The following NOVA1 variants were observed in gnomAD, a reference collection of about 807,000 sequenced individuals.
NOVA1 encodes the protein NOVA alternative splicing regulator 1, also known as RNA-binding protein Nova-1.
NOVA1 carries 7 observed loss-of-function variants against 38.0 expected under a neutral mutation model. That is an observed-to-expected ratio of 0.18 (90% CI 0.10 to 0.35). The LOEUF is 0.35. NOVA1 is among the 10% of genes least tolerant of loss of function. NOVA1 has a pLI of 1.00. For missense variants in NOVA1, 460 were observed against 616.0 expected (o/e 0.75, Z 2.68); for synonymous variants, 270 against 232.5 (o/e 1.16, Z -1.47).
chr14:26,578,317 T>G (rs1020724895), intron 2 of NOVA1, among the ~76,000 whole-genome samples: 4 of 150,960 alleles, frequency 2.6e-5, no homozygotes, highest in Non-Finnish European at 4.4e-5. Context: ...GTTAATGCCA[T>G]AATTACCAGA....
At chr14:26,489,915 TATTA>T (rs1345686954) in intron 2 of NOVA1, among the ~76,000 whole-genome samples, 1 of 152,172 alleles carries the variant, frequency 6.6e-6, no homozygotes, top group Admixed American at 6.6e-5. Flanking sequence ...AATTCAGTGG[TATTA>T]ATTAAATTCA....
intron 2 of NOVA1, among the ~76,000 whole-genome samples, chr14:26,517,327 C>G (rs1346478536): frequency 6.6e-6 from 1 of 152,146 alleles, no homozygotes; most frequent in East Asian, 1.9e-4. Context: ...TATTTCCTCA[C>G]AAAATACCGC....
chr14:26,466,907 C>T (rs999129300), intron 4 of NOVA1, among the ~76,000 whole-genome samples: 1 of 152,216 alleles, frequency 6.6e-6, no homozygotes, highest in Non-Finnish European at 1.5e-5. Context: ...GTGCCTTGAT[C>T]TTGGACTTCC....
chr14:26,585,072 G>A (rs1000892344), intron 2 of NOVA1, among the ~76,000 whole-genome samples: 1 of 151,360 alleles, frequency 6.6e-6, no homozygotes, highest in Non-Finnish European at 1.5e-5. Flanking sequence ...AAATGTGGAA[G>A]ACTAATCACA....
At chr14:26,571,384 C>T (rs1260884692) in intron 2 of NOVA1, among the ~76,000 whole-genome samples, 1 of 152,074 alleles carries the variant, frequency 6.6e-6, no homozygotes, top group Non-Finnish European at 1.5e-5. Context: ...TTCACTCTGG[C>T]TTAAATTAAT....
intron 2 of NOVA1, among the ~76,000 whole-genome samples, chr14:26,560,939 T>C (rs1319417675): frequency 6.6e-6 from 1 of 152,158 alleles, no homozygotes; most frequent in East Asian, 1.9e-4. Flanking sequence ...TCCTGAAGAA[T>C]ATAATTTCCA....
chr14:26,473,592 C>T (rs1310300946), intron 3 of NOVA1, among the ~76,000 whole-genome samples: 2 of 151,486 alleles, frequency 1.3e-5, no homozygotes, highest in South Asian at 2.1e-4. Flanking sequence ...TTGTAATTTG[C>T]GTACAATAAA....
At chr14:26,570,633 C>T (rs1892417510) in intron 2 of NOVA1, among the ~76,000 whole-genome samples, 1 of 151,808 alleles carries the variant, frequency 6.6e-6, no homozygotes, top group South Asian at 2.1e-4. Flanking sequence ...TGTATATATG[C>T]ATATATTTAA....
At chr14:26,450,911 C>T (rs1349547716) in intron 4 of NOVA1, among the ~76,000 whole-genome samples, 1 of 152,026 alleles carries the variant, frequency 6.6e-6, no homozygotes, top group African/African-American at 2.4e-5. Context: ...GAAAACATCA[C>T]GGACTGGCAA....
intron 2 of NOVA1, among the ~76,000 whole-genome samples, chr14:26,520,918 G>A (rs1434154936): frequency 5.3e-5 from 8 of 151,798 alleles, no homozygotes; most frequent in Admixed American, 3.3e-4. Flanking sequence ...ACTGTATAAC[G>A]CCATAATGTA....
chr14:26,526,104 T>C (rs1056308172), intron 2 of NOVA1, among the ~76,000 whole-genome samples: 2 of 152,134 alleles, frequency 1.3e-5, no homozygotes, highest in African/African-American at 2.4e-5. Context: ...TAATTTATAA[T>C]GTACTCAATG....
chr14:26,516,320 C>A (rs993838621), intron 2 of NOVA1, among the ~76,000 whole-genome samples: 5 of 152,236 alleles, frequency 3.3e-5, no homozygotes, highest in Non-Finnish European at 7.4e-5. Context: ...CTTGTCTATT[C>A]ACTGTTAATG....
At chr14:26,543,119 A>G (rs1890572813) in intron 2 of NOVA1, among the ~76,000 whole-genome samples, 1 of 152,038 alleles carries the variant, frequency 6.6e-6, no homozygotes, top group African/African-American at 2.4e-5. Flanking sequence ...ATCGTTACGC[A>G]TTGTATGAAT....
intron 3 of NOVA1, among the ~76,000 whole-genome samples, chr14:26,475,691 T>C (rs1884929882): frequency 1.3e-5 from 2 of 152,176 alleles, no homozygotes; most frequent in South Asian, 2.1e-4. Flanking sequence ...GCAGAATAAT[T>C]ATTAACAATT....
chr14:26,499,552 A>C (rs1452335209), intron 2 of NOVA1, among the ~76,000 whole-genome samples: 1 of 152,126 alleles, frequency 6.6e-6, no homozygotes, highest in African/African-American at 2.4e-5. Flanking sequence ...CTCTATGGGT[A>C]ACATCAGTGT....
At position 26,572,758 on chromosome 14, in the gene NOVA1, G is replaced by GTGTGTGTGTGTGTGTGTGTGTGTA. The variant is rs1566548665; in HGVS notation, c.280+22651_280+22652insTACACACACACACACACACACACA. 1.2e-4 allele frequency among the ~76,000 whole-genome samples: 18 copies of GTGTGTGTGTGTGTGTGTGTGTGTA among 148,710 alleles called. No homozygotes were observed. In the South Asian group the frequency reaches 3.4e-3, roughly 28 times the overall value. On this transcript the variant is annotated intron_variant, in intron 2 of 4. Coordinates refer to ENST00000539517, the MANE Select transcript of NOVA1 (RefSeq NM_002515.3). ...TGTGTGTGTGTGTGTGTGTGTGTGTGTGTGTGTATGTGTGTCTGTACGTTT... is the reference window on the plus strand; with the variant it reads ...TGTGTGTGTGTGTGTGTGTGTGTGTGTGTGTGTGTGTGTGTGTGTGTGTATGTGTGTATGTGTGTCTGTACGTTT...
chr14:26,595,637 C>T (rs1171462510), intron 1 of NOVA1, 84 bp from the exon 2 acceptor site: 1 of 1,205,318 alleles, frequency 8.3e-7, no homozygotes, highest in African/African-American at 1.5e-5. Flanking sequence ...AGAAAAACAG[C>T]AACTAAAGCA....
At chr14:26,554,768 A>C (rs1350284455) in intron 2 of NOVA1, among the ~76,000 whole-genome samples, 1 of 152,190 alleles carries the variant, frequency 6.6e-6, no homozygotes, top group Non-Finnish European at 1.5e-5. Flanking sequence ...ATTTCTCTAA[A>C]ACATTCTATG....
At chr14:26,548,586 T>C (rs1890967061) in intron 2 of NOVA1, among the ~76,000 whole-genome samples, 1 of 152,152 alleles carries the variant, frequency 6.6e-6, no homozygotes, top group South Asian at 2.1e-4. Context: ...TAACATTCCT[T>C]ATCATGTTGT....
Sources: gnomAD v4.1 joint callset for allele counts (sites outside exome capture counted in the v4.1 genomes callset) on GRCh38, gnomAD v4.1.1 for gene constraint, MANE v1.5 for transcripts, NCBI Gene and HGNC (gene_info 2026-07-23, HGNC 2026-07-21) for gene names.